The following COL22A1 variants were observed in gnomAD, a reference collection of about 807,000 sequenced individuals.
COL22A1 encodes collagen type XXII alpha 1 chain.
In COL22A1, 221 loss-of-function variants were observed where a neutral mutation model predicts 248.9. The ratio of observed to expected loss-of-function variants is 0.89; its 90% CI spans 0.80 to 0.99. The LOEUF (loss-of-function observed/expected upper bound fraction) is 0.99. Among genes scored for constraint, COL22A1 ranks in the 50% least tolerant of loss-of-function variants. COL22A1 has a pLI of 0.00. For missense variants in COL22A1, 2,240 were observed against 2,179.0 expected (o/e 1.03, Z -0.56); for synonymous variants, 891 against 793.4 (o/e 1.12, Z -2.07).
intron 3 of COL22A1, among the ~76,000 whole-genome samples, chr8:138,851,730 T>C (rs867112231): frequency 1.3e-5 from 2 of 152,128 alleles, no homozygotes; most frequent in Non-Finnish European, 2.9e-5. Context: ...CCAGCAGACC[T>C]TCTGAGACCA....
At chr8:138,797,009 ACT>A in intron 11 of COL22A1, 152 bp from the exon 12 acceptor site, 2 of 687,090 alleles carry the variant, frequency 2.9e-6, no homozygotes, top group South Asian at 3.4e-5. Flanking sequence ...ACTATTGTTA[ACT>A]GAGTGTGCAT....
At chr8:138,774,065 G>A (rs1834618895) in intron 16 of COL22A1, among the ~76,000 whole-genome samples, 1 of 152,166 alleles carries the variant, frequency 6.6e-6, no homozygotes, top group African/African-American at 2.4e-5. Flanking sequence ...TGTGAGGGAA[G>A]GAGCAGAGGG....
At chr8:138,852,950 C>T (rs187485503) in intron 3 of COL22A1, among the ~76,000 whole-genome samples, 1 of 151,864 alleles carries the variant, frequency 6.6e-6, no homozygotes, top group Non-Finnish European at 1.5e-5. Context: ...TGAGATCAGC[C>T]TGGCCAACAT....
At chr8:138,896,329 G>A (rs1825411338) in intron 1 of COL22A1, among the ~76,000 whole-genome samples, 2 of 152,118 alleles carry the variant, frequency 1.3e-5, no homozygotes. Context: ...TTCTAAATAT[G>A]TTATTTGTAT....
chr8:138,799,610 G>T (rs949422192), intron 11 of COL22A1, among the ~76,000 whole-genome samples: 2 of 152,126 alleles, frequency 1.3e-5, no homozygotes, highest in African/African-American at 4.8e-5. Flanking sequence ...CCAGGATGAC[G>T]ATGGTTTTAA....
intron 45 of COL22A1, among the ~76,000 whole-genome samples, chr8:138,653,392 C>G (rs558845152): frequency 6.6e-6 from 1 of 152,136 alleles, no homozygotes; most frequent in Non-Finnish European, 1.5e-5. Flanking sequence ...AGAGGCTACG[C>G]GTAAGGCTTC....
At chr8:138,718,387 G>C (rs564808995) in intron 27 of COL22A1, among the ~76,000 whole-genome samples, 3 of 152,156 alleles carry the variant, frequency 2.0e-5, no homozygotes, top group Non-Finnish European at 2.9e-5. Context: ...TGCTGAGAAA[G>C]GATAAGGGGC....
At chr8:138,610,882 A>T (rs139399353) in intron 56 of COL22A1, among the ~76,000 whole-genome samples, 154 of 152,306 alleles carry the variant, frequency 1.0e-3, no homozygotes, top group African/African-American at 3.6e-3. Context: ...TGGACAACAT[A>T]GTGAGACCTC....
chr8:138,700,177 G>A (rs774197349), intron 31 of COL22A1, 33 bp from the exon 32 acceptor site: 3 of 1,608,454 alleles, frequency 1.9e-6, no homozygotes, highest in Admixed American at 1.7e-5. Context: ...TAGAAAGATG[G>A]GCATCAAGGA....
intron 18 of COL22A1, among the ~76,000 whole-genome samples, chr8:138,759,959 A>C (rs986406093): frequency 6.6e-6 from 1 of 151,786 alleles, no homozygotes. Flanking sequence ...TAATACATCT[A>C]AATATTATAT....
chr8:138,770,872 G>A (rs1160159365), intron 16 of COL22A1, among the ~76,000 whole-genome samples: 5 of 152,262 alleles, frequency 3.3e-5, no homozygotes, highest in East Asian at 1.9e-4. Flanking sequence ...CCCCTTCTCC[G>A]TGTCTGTTTT....
intron 44 of COL22A1, among the ~76,000 whole-genome samples, chr8:138,657,478 A>G (rs1379182418): frequency 1.3e-5 from 2 of 152,222 alleles, no homozygotes; most frequent in Non-Finnish European, 2.9e-5. Flanking sequence ...GGCACCAGTC[A>G]CAAAGGGAGA....
chr8:138,765,449 C>T (rs1175181483), intron 16 of COL22A1, among the ~76,000 whole-genome samples: 1 of 152,206 alleles, frequency 6.6e-6, no homozygotes, highest in African/African-American at 2.4e-5. Flanking sequence ...GTCCTGAGTG[C>T]ACTTCCTTGT....
chr8:138,755,245 AC>A (rs752627335), intron 20 of COL22A1, 35 bp from the exon 21 acceptor site: 2 of 1,607,502 alleles, frequency 1.2e-6, no homozygotes, highest in Non-Finnish European at 8.5e-7. Flanking sequence ...TTTAGTCATG[AC>A]TTTTCCCCCA....
Position 138,676,562 on chromosome 8 carries a change from G to T in COL22A1, c.3146C>A (p.Pro1049His). 2 of 1,561,914 alleles carry T rather than the reference G, an allele frequency of 1.3e-6. No individual in the cohort carries two copies. Among genetic ancestry groups the T allele is most frequent in the Non-Finnish European group, 1.7e-6 (2 of 1,151,722 alleles). Residue 1049 changes from proline (P) to histidine (H), a missense_variant, in exon 41 of 65, where the codon CCT (proline) becomes CAT (histidine). By Grantham distance (77) the Pro-to-His change is moderately conservative. Transcript: ENST00000303045. Reference protein sequence around the residue: ...RGDPGIGVAGPPGPSGPPGDK... With the variant: ...RGDPGIGVAGHPGPSGPPGDK... Reference sequence around the variant, plus strand: ...GCTGGATAAATAAAGACTTACAGGAGGGCCAGCAACCCCAATGCCTGGGTC... The same window carrying T: ...GCTGGATAAATAAAGACTTACAGGATGGCCAGCAACCCCAATGCCTGGGTC...
intron 56 of COL22A1, among the ~76,000 whole-genome samples, chr8:138,613,094 A>C (rs1414675582): frequency 6.6e-6 from 1 of 151,594 alleles, no homozygotes; most frequent in African/African-American, 2.4e-5. Context: ...TAAAAATATA[A>C]AAATTTAGCC....
chr8:138,913,365 T>C (rs1381088549), intron 1 of COL22A1, among the ~76,000 whole-genome samples: 2 of 152,196 alleles, frequency 1.3e-5, no homozygotes, highest in Non-Finnish European at 2.9e-5. Flanking sequence ...ACAGGTGTGT[T>C]CTCACGGATT....
At chr8:138,694,319 T>G (rs781023356) in intron 34 of COL22A1, among the ~76,000 whole-genome samples, 189 bp downstream of exon 34, 3 of 152,180 alleles carry the variant, frequency 2.0e-5, no homozygotes, top group Non-Finnish European at 2.9e-5. Flanking sequence ...AGGTGGGGCC[T>G]GGCCCCATGG....
intron 41 of COL22A1, among the ~76,000 whole-genome samples, chr8:138,667,201 C>G (rs1034244294): frequency 6.6e-6 from 1 of 152,164 alleles, no homozygotes; most frequent in South Asian, 2.1e-4. Flanking sequence ...GAAATTACGG[C>G]CTCTGATGCG....
Sources: allele counts gnomAD v4.1 joint callset (sites outside exome capture counted in the v4.1 genomes callset), GRCh38; gene constraint gnomAD v4.1.1; transcripts MANE v1.5; gene names NCBI Gene and HGNC (gene_info 2026-07-23, HGNC 2026-07-21).